Variants in GPR39 observed in about 807,000 individuals in gnomAD.
The protein encoded by GPR39 is G protein-coupled receptor 39, also known as zinc sensing receptor.
In GPR39, 23 loss-of-function variants were observed where a neutral mutation model predicts 18.4. That is an observed-to-expected ratio of 1.25 (90% CI 0.90 to 1.77). The LOEUF (loss-of-function observed/expected upper bound fraction) is 1.77, where lower values mean the gene tolerates loss of function less well. Ranked by LOEUF, GPR39 falls within the 40% of genes most tolerant of loss-of-function variation. The pLI, the probability that GPR39 is intolerant of heterozygous loss-of-function variation, is 0.00. For synonymous variants in GPR39, 280 were observed against 257.9 expected, an observed-to-expected ratio of 1.09 and a Z score of -0.82; for missense variants, 647 against 602.4, an observed-to-expected ratio of 1.07 and a Z score of -0.78.
chr2:132,616,981 A>G (rs1307058236), intron 1 of GPR39, among the ~76,000 whole-genome samples: 1 of 152,228 alleles, frequency 6.6e-6, no homozygotes, highest in Non-Finnish European at 1.5e-5. Context: ...AAACCCATTC[A>G]TAGAGACATT....
chr2:132,601,842 G>A (rs1465351890), intron 1 of GPR39, among the ~76,000 whole-genome samples: 1 of 151,956 alleles, frequency 6.6e-6, no homozygotes, highest in African/African-American at 2.4e-5. Context: ...AGTTAGAAAT[G>A]CATTTAACCA....
At chr2:132,496,658 A>G (rs1681647375) in intron 1 of GPR39, among the ~76,000 whole-genome samples, 1 of 152,210 alleles carries the variant, frequency 6.6e-6, no homozygotes, top group Admixed American at 6.5e-5. Flanking sequence ...GTTGGAGATT[A>G]GAAGTATTTC....
chr2:132,579,672 G>A (rs188738460), intron 1 of GPR39, among the ~76,000 whole-genome samples: 3 of 152,044 alleles, frequency 2.0e-5, no homozygotes, highest in South Asian at 4.1e-4. Context: ...GCTAGACCTC[G>A]TTGACTAAAA....
intron 1 of GPR39, among the ~76,000 whole-genome samples, chr2:132,483,051 G>A (rs760938425): frequency 1.8e-4 from 28 of 152,242 alleles, no homozygotes; most frequent in Non-Finnish European, 3.2e-4. Context: ...ACTCTGCCAC[G>A]TACTAACTGT....
chr2:132,521,062 A>G (rs1402273323), intron 1 of GPR39, among the ~76,000 whole-genome samples: 1 of 152,160 alleles, frequency 6.6e-6, no homozygotes, highest in Admixed American at 6.5e-5. Flanking sequence ...CCTTTGCCTC[A>G]TTGTCTTAGC....
intron 1 of GPR39, among the ~76,000 whole-genome samples, chr2:132,433,241 T>G (rs1481114877): frequency 6.6e-6 from 1 of 152,204 alleles, no homozygotes; most frequent in Non-Finnish European, 1.5e-5. Context: ...ATGGTGCCAT[T>G]TGCAGTTGAG....
intron 1 of GPR39, among the ~76,000 whole-genome samples, chr2:132,528,941 C>A (rs1240508436): frequency 6.6e-6 from 1 of 152,100 alleles, no homozygotes. Context: ...CCAGCATGAG[C>A]GATGCAGAAG....
At position 132,617,635 on chromosome 2, in the gene GPR39, A is replaced by AT. The variant is rs201492086; in HGVS notation, c.857-27459dup. 1.8e-3 allele frequency among the ~76,000 whole-genome samples: 270 copies of AT among 152,096 alleles called. 3 individuals are homozygous for AT. Among genetic ancestry groups the AT allele is most frequent in the African/African-American group, 6.1e-3 (253 of 41,494 alleles). ...TTTTCTTATGTTGGGTAAATTAGAC[A>AT]TTTTTTTGTCATACGTATAGGAAAT... On this transcript the variant is annotated intron_variant, in intron 1 of 1. Coordinates refer to ENST00000329321, the MANE Select transcript of GPR39 (RefSeq NM_001508.3).
At chr2:132,454,847 G>C (rs2104773107) in intron 1 of GPR39, among the ~76,000 whole-genome samples, 1 of 152,288 alleles carries the variant, frequency 6.6e-6, no homozygotes, top group Non-Finnish European at 1.5e-5. Context: ...GATCATGGTA[G>C]ATAAGATTTT....
At chr2:132,615,238 C>A (rs1681314387) in intron 1 of GPR39, among the ~76,000 whole-genome samples, 1 of 152,148 alleles carries the variant, frequency 6.6e-6, no homozygotes, top group Non-Finnish European at 1.5e-5. Context: ...GAGCTCACAA[C>A]CCAGAGACCT....
At chr2:132,601,368 G>A (rs538832665) in intron 1 of GPR39, among the ~76,000 whole-genome samples, 1 of 152,150 alleles carries the variant, frequency 6.6e-6, no homozygotes, top group Non-Finnish European at 1.5e-5. Flanking sequence ...AAACCACATG[G>A]TCATTTCAAT....
intron 1 of GPR39, among the ~76,000 whole-genome samples, chr2:132,424,924 C>T (rs1378912293): frequency 6.6e-6 from 1 of 152,160 alleles, no homozygotes; most frequent in Non-Finnish European, 1.5e-5. Flanking sequence ...CATGGCCAGA[C>T]AGTGACTGCT....
intron 1 of GPR39, among the ~76,000 whole-genome samples, chr2:132,443,169 A>T (rs1427407732): frequency 6.6e-6 from 1 of 152,166 alleles, no homozygotes; most frequent in East Asian, 1.9e-4. Flanking sequence ...TAGAATAAAC[A>T]TTATATTAAA....
intron 1 of GPR39, among the ~76,000 whole-genome samples, chr2:132,578,783 G>A (rs1680573174): frequency 6.6e-6 from 1 of 151,824 alleles, no homozygotes; most frequent in South Asian, 2.1e-4. Flanking sequence ...ATATTGTGTA[G>A]ATTTGTTTAT....
intron 1 of GPR39, among the ~76,000 whole-genome samples, chr2:132,590,654 G>A (rs1047498481): frequency 1.3e-5 from 2 of 152,096 alleles, no homozygotes; most frequent in African/African-American, 4.8e-5. Flanking sequence ...CTTTAACAGT[G>A]GCACTCAAGC....
chr2:132,551,415 A>C (rs1680041568), intron 1 of GPR39, among the ~76,000 whole-genome samples: 1 of 152,208 alleles, frequency 6.6e-6, no homozygotes, highest in Admixed American at 6.5e-5. Flanking sequence ...CCCTTCCCCC[A>C]GGGCTTGACA....
At chr2:132,463,090 T>A (rs911022303) in intron 1 of GPR39, among the ~76,000 whole-genome samples, 4 of 152,222 alleles carry the variant, frequency 2.6e-5, no homozygotes, top group African/African-American at 7.2e-5. Flanking sequence ...CACCAGGCAC[T>A]GTTCTAGGTG....
chr2:132,565,446 T>A (rs1236427024), intron 1 of GPR39, among the ~76,000 whole-genome samples: 4 of 150,650 alleles, frequency 2.7e-5, no homozygotes, highest in African/African-American at 9.8e-5. Flanking sequence ...CATGTGCACA[T>A]TGTGCAGGTT....
intron 1 of GPR39, among the ~76,000 whole-genome samples, chr2:132,553,307 G>GTA (rs1232609672): frequency 3.9e-5 from 5 of 128,668 alleles, no homozygotes; most frequent in African/African-American, 1.1e-4. Context: ...ACACACATAT[G>GTA]TATATATGTG....
Sources: allele counts gnomAD v4.1 joint callset (sites outside exome capture counted in the v4.1 genomes callset), GRCh38; gene constraint gnomAD v4.1.1; transcripts MANE v1.5; gene names NCBI Gene and HGNC (gene_info 2026-07-23, HGNC 2026-07-21).